KIZ: variants seen among roughly 807,000 people sequenced by gnomAD.
KIZ encodes kizuna centrosomal protein.
In KIZ, 68 loss-of-function variants were observed where a neutral mutation model predicts 79.6. The observed-to-expected ratio is 0.85, with a 90% CI of 0.70 to 1.05. The LOEUF (loss-of-function observed/expected upper bound fraction) is 1.05. KIZ is among the 50% of genes least tolerant of loss of function. The pLI is 0.00. For missense variants in KIZ, 797 were observed against 800.4 expected (o/e 1.00, Z 0.05); for synonymous variants, 280 against 281.8 (o/e 0.99, Z 0.06).
At chr20:21,153,909 A>G (rs1394734767) in intron 4 of KIZ, 1 of 152,186 alleles carries the variant, frequency 6.6e-6, no homozygotes, top group Non-Finnish European at 1.5e-5. Flanking sequence ...CCTATCCTTT[A>G]AGCCACAGTG....
chr20:21,190,445 G>A (rs1337487948), intron 6 of KIZ, among the ~76,000 whole-genome samples: 1 of 152,232 alleles, frequency 6.6e-6, no homozygotes, highest in Non-Finnish European at 1.5e-5. Flanking sequence ...AGCTTCTACA[G>A]ACCTCTCTGG....
At chr20:21,138,644 A>T (rs2122405809) in intron 3 of KIZ, among the ~76,000 whole-genome samples, 1 of 152,308 alleles carries the variant, frequency 6.6e-6, no homozygotes, top group South Asian at 2.1e-4. Context: ...CCCTTGGTTA[A>T]GATGATGATC....
intron 9 of KIZ, among the ~76,000 whole-genome samples, chr20:21,215,853 ATTC>A (rs1263668714): frequency 6.6e-6 from 1 of 152,166 alleles, no homozygotes; most frequent in Non-Finnish European, 1.5e-5. Flanking sequence ...TGTCTATTGA[ATTC>A]TTCATCACCA....
intron 6 of KIZ, among the ~76,000 whole-genome samples, chr20:21,202,974 A>G (rs887247184): frequency 3.3e-5 from 5 of 152,202 alleles, no homozygotes; most frequent in Non-Finnish European, 7.4e-5. Flanking sequence ...AACAGACAAC[A>G]TATCATTTCA....
chr20:21,192,587 ATGTAAGTGTAAGTTTCC>A (rs1353355949), intron 6 of KIZ, among the ~76,000 whole-genome samples: 1 of 152,226 alleles, frequency 6.6e-6, no homozygotes, highest in African/African-American at 2.4e-5. Context: ...TATGTAAATT[ATGTAAGTGTAAGTTTCC>A]CTGAAAAATG....
At chr20:21,221,374 C>T (rs1457715880) in intron 9 of KIZ, among the ~76,000 whole-genome samples, 2 of 152,130 alleles carry the variant, frequency 1.3e-5, no homozygotes, top group African/African-American at 4.8e-5. Flanking sequence ...TTCTTAAATG[C>T]TTGATGATTC....
chr20:21,144,414 T>A (rs960339205), intron 3 of KIZ, among the ~76,000 whole-genome samples: 1 of 152,304 alleles, frequency 6.6e-6, no homozygotes. Flanking sequence ...AATGTAAACA[T>A]CTCTAAGTTC....
At position 21,136,454 on chromosome 20, in the gene KIZ, G is replaced by T. The variant is rs770008997; in HGVS notation, c.217G>T (p.Ala73Ser). 3.2e-6 allele frequency: 5 copies of T among 1,577,896 alleles called. No individual in the cohort carries two copies. In the East Asian group the frequency reaches 9.0e-5, roughly 28 times the overall value. The change falls in exon 3 of 13, where the codon GCT (alanine) becomes TCT (serine). Residue 73 changes from alanine (A) to serine (S), a missense_variant. Coordinates refer to ENST00000619189, the MANE Select transcript of KIZ (RefSeq NM_018474.6). The stretch of plus-strand genomic sequence containing the variant: ...GGAAATATGTGAATCTGAAAAGAAG[G>T]CTCATACTCGAAACCAAGAATATTT... The part of the protein sequence containing the change: ...LKEICESEKK[A>S]HTRNQEYLKR...
chr20:21,129,646 C>T (rs910917231), intron 1 of KIZ, among the ~76,000 whole-genome samples: 10 of 151,844 alleles, frequency 6.6e-5, no homozygotes, highest in African/African-American at 1.9e-4. Flanking sequence ...GAAACAGAAT[C>T]CCTTAAACCC....
chr20:21,220,294 C>A (rs1177866835), intron 9 of KIZ, among the ~76,000 whole-genome samples: 2 of 151,832 alleles, frequency 1.3e-5, no homozygotes, highest in Non-Finnish European at 2.9e-5. Context: ...CTAACCTTTA[C>A]AACAGTCCTA....
Position 21,214,720 on chromosome 20 carries a change from G to A in KIZ, c.1612+20G>A. On this transcript the variant is annotated intron_variant, in intron 8 of 12. Transcript: ENST00000619189. ...AACAAGGTAACTATTGTTAAAGTGT[G>A]TGTCCACAGCAAAAAGGCATTCAGG... 1.3e-6 allele frequency: 2 copies of A among 1,583,742 alleles called. No homozygotes were observed. The highest frequency in any genetic ancestry group is 1.7e-6 in the Non-Finnish European group (2 of 1,153,944).
chr20:21,131,435 G>T (rs1028289510), intron 1 of KIZ, among the ~76,000 whole-genome samples: 1 of 152,148 alleles, frequency 6.6e-6, no homozygotes. Context: ...TTCATCAGAT[G>T]TAAGTGAGGC....
chr20:21,229,565 T>C (rs569588044), intron 10 of KIZ, among the ~76,000 whole-genome samples: 2 of 152,228 alleles, frequency 1.3e-5, no homozygotes, highest in African/African-American at 4.8e-5. Flanking sequence ...TATTTTATTT[T>C]ATTTTATTTT....
chr20:21,131,201 T>C (rs2031816189), intron 1 of KIZ, among the ~76,000 whole-genome samples: 1 of 152,204 alleles, frequency 6.6e-6, no homozygotes, highest in Non-Finnish European at 1.5e-5. Flanking sequence ...CTGCCTCTGC[T>C]TCCTCTGCTG....
At chr20:21,238,272 T>C (rs1023940918) in intron 11 of KIZ, among the ~76,000 whole-genome samples, 1 of 152,116 alleles carries the variant, frequency 6.6e-6, no homozygotes, top group African/African-American at 2.4e-5. Context: ...CACTTCTGTA[T>C]GGCATCATGT....
chr20:21,191,643 A>T (rs1158767341), intron 6 of KIZ, among the ~76,000 whole-genome samples: 1 of 152,264 alleles, frequency 6.6e-6, no homozygotes, highest in East Asian at 1.9e-4. Context: ...TGGTTTAAAA[A>T]TTAAAATAAC....
intron 6 of KIZ, among the ~76,000 whole-genome samples, chr20:21,170,391 CTT>C (rs1219875909): frequency 9.1e-5 from 13 of 142,662 alleles, no homozygotes; most frequent in Admixed American, 7.1e-5. Flanking sequence ...AATACTAGAT[CTT>C]TTTTTTTTTT....
intron 4 of KIZ, among the ~76,000 whole-genome samples, chr20:21,149,599 C>G (rs1420890633): frequency 6.6e-6 from 1 of 152,198 alleles, no homozygotes; most frequent in East Asian, 1.9e-4. Context: ...GTCCGAGGTG[C>G]TCCCAGGAGC....
intron 4 of KIZ, among the ~76,000 whole-genome samples, chr20:21,146,149 A>C (rs2032834802): frequency 6.6e-6 from 1 of 152,226 alleles, no homozygotes; most frequent in African/African-American, 2.4e-5. Context: ...GCAGGCTTCT[A>C]ATCCTCCTGC....
Sources: allele counts gnomAD v4.1 joint callset (sites outside exome capture counted in the v4.1 genomes callset), GRCh38; gene constraint gnomAD v4.1.1; transcripts MANE v1.5; gene names NCBI Gene and HGNC (gene_info 2026-07-23, HGNC 2026-07-21).